The following TDRD1 variants were observed in gnomAD, a reference collection of about 807,000 sequenced individuals.
TDRD1 encodes tudor domain-containing protein 1.
A neutral mutation model predicts 140.6 loss-of-function variants in TDRD1; 37 were observed. That is an observed-to-expected ratio of 0.26 (90% CI 0.20 to 0.35). TDRD1 has a LOEUF of 0.35. TDRD1 is among the 10% of genes least tolerant of loss of function. The probability of loss-of-function intolerance (pLI) is 1.00; values close to 1 mark genes in which losing one functional copy is unlikely to be tolerated. For missense variants in TDRD1, 1,243 were observed against 1,393.0 expected (o/e 0.89, Z 1.71); for synonymous variants, 506 against 475.7 (o/e 1.06, Z -0.83).
At chr10:114,180,613 G>A (rs930252281) in intron 1 of TDRD1, among the ~76,000 whole-genome samples, 1 of 152,198 alleles carries the variant, frequency 6.6e-6, no homozygotes, top group Admixed American at 6.5e-5. Context: ...TTACAGGCCA[G>A]CCACCGGCGC....
intron 3 of TDRD1, among the ~76,000 whole-genome samples, chr10:114,193,773 C>T (rs895053804): frequency 1.3e-5 from 2 of 152,170 alleles, no homozygotes; most frequent in African/African-American, 2.4e-5. Context: ...ACAGTGGACA[C>T]CTTGCCTTGT....
At chr10:114,189,128 T>G (rs959405081) in intron 2 of TDRD1, among the ~76,000 whole-genome samples, 1 of 152,090 alleles carries the variant, frequency 6.6e-6, no homozygotes, top group Non-Finnish European at 1.5e-5. Context: ...CCAACCTGAG[T>G]TTTTCATCGT....
At chr10:114,230,306 T>G (rs1487917274) in intron 25 of TDRD1, among the ~76,000 whole-genome samples, 2 of 152,244 alleles carry the variant, frequency 1.3e-5, no homozygotes, top group Non-Finnish European at 2.9e-5. Context: ...AAAACTTGAT[T>G]TAAAGCATAG....
intron 10 of TDRD1, among the ~76,000 whole-genome samples, chr10:114,205,468 G>C (rs1048231080): frequency 6.6e-6 from 1 of 152,124 alleles, no homozygotes; most frequent in Non-Finnish European, 1.5e-5. Context: ...AAAATCTGTT[G>C]TTTGCTATGT....
intron 3 of TDRD1, among the ~76,000 whole-genome samples, chr10:114,192,271 C>CA (rs1159946494): frequency 7.4e-6 from 1 of 135,730 alleles, no homozygotes; most frequent in African/African-American, 2.8e-5. Context: ...TTTTTTTCCC[C>CA]AAAAAAGTTT....
chr10:114,220,675 G>C (rs769795508), exon 19 of TDRD1: 1 of 1,612,304 alleles, frequency 6.2e-7, no homozygotes, highest in Non-Finnish European at 8.5e-7. Context: ...CACTGAAAAT[G>C]GGATAGGAGT....
chr10:114,204,780 G>T, exon 10 of TDRD1: 1 of 1,604,964 alleles, frequency 6.2e-7, no homozygotes, highest in Non-Finnish European at 8.5e-7. Context: ...AGCAGTGATT[G>T]TATCAAAGCT....
At chr10:114,174,935 A>C (rs2032657646), upstream of TDRD1, among the ~76,000 whole-genome samples, 1 of 152,240 alleles carries the variant, frequency 6.6e-6, no homozygotes, top group African/African-American at 2.4e-5. Flanking sequence ...AAACCTCCTC[A>C]GTCCGGGGAA....
intron 1 of TDRD1, among the ~76,000 whole-genome samples, chr10:114,181,992 A>G (rs2033108841): frequency 6.6e-6 from 1 of 152,206 alleles, no homozygotes; most frequent in African/African-American, 2.4e-5. Context: ...ACATATTTAA[A>G]AATAAATTCC....
chr10:114,216,613 A>G (rs2035830944), intron 16 of TDRD1, among the ~76,000 whole-genome samples: 1 of 152,226 alleles, frequency 6.6e-6, no homozygotes, highest in Non-Finnish European at 1.5e-5. Flanking sequence ...AAATCCTTGT[A>G]CTGTGATTTT....
intron 15 of TDRD1, 46 bp from the exon 16 acceptor site, chr10:114,213,931 C>T: frequency 1.2e-6 from 2 of 1,605,294 alleles, no homozygotes; most frequent in Non-Finnish European, 1.7e-6. Flanking sequence ...AACCTCGCTA[C>T]ATCCCTCCTC....
chr10:114,214,055 T>C, exon 16 of TDRD1: 1 of 1,612,080 alleles, frequency 6.2e-7, no homozygotes. Flanking sequence ...ACAGTAGATG[T>C]TGTGGTCTGT....
intron 3 of TDRD1, among the ~76,000 whole-genome samples, chr10:114,193,964 C>T (rs1377605740): frequency 6.6e-6 from 1 of 152,144 alleles, no homozygotes; most frequent in African/African-American, 2.4e-5. Context: ...ATGGTAGTGA[C>T]TTCTTTTCCT....
chr10:114,207,774 G>T (rs899853614), intron 11 of TDRD1, among the ~76,000 whole-genome samples: 2 of 151,998 alleles, frequency 1.3e-5, no homozygotes, highest in Admixed American at 6.6e-5. Flanking sequence ...CCAGGAGGGG[G>T]AGTCATCAGT....
intron 9 of TDRD1, 146 bp downstream of exon 9, chr10:114,204,362 C>A: frequency 1.1e-6 from 1 of 900,996 alleles, no homozygotes; most frequent in Non-Finnish European, 1.6e-6. Context: ...CTATCTTGAC[C>A]TTATTTAGTT....
chr10:114,219,241 G>A (rs536322253), intron 18 of TDRD1, among the ~76,000 whole-genome samples: 1 of 152,296 alleles, frequency 6.6e-6, no homozygotes, highest in East Asian at 1.9e-4. Flanking sequence ...GCTGCTTGCT[G>A]TCTATGAGAC....
At chr10:114,199,724 C>T (rs2034601714) in intron 4 of TDRD1, among the ~76,000 whole-genome samples, 1 of 152,222 alleles carries the variant, frequency 6.6e-6, no homozygotes, top group Non-Finnish European at 1.5e-5. Context: ...AGCGTGGACT[C>T]TTTTGTATCA....
intron 16 of TDRD1, among the ~76,000 whole-genome samples, chr10:114,215,306 A>T (rs10160173): frequency 6.6e-6 from 1 of 151,988 alleles, no homozygotes; most frequent in Non-Finnish European, 1.5e-5. Context: ...TCTTTCTACC[A>T]TTGGACACTT....
chr10:114,212,274 A>G (rs553122746), intron 14 of TDRD1, among the ~76,000 whole-genome samples: 1 of 152,208 alleles, frequency 6.6e-6, no homozygotes, highest in African/African-American at 2.4e-5. Flanking sequence ...AGGGCATTAC[A>G]TTTGCAGCAT....
Sources: gnomAD v4.1 joint callset for allele counts (sites outside exome capture counted in the v4.1 genomes callset) on GRCh38, gnomAD v4.1.1 for gene constraint, MANE v1.5 for transcripts, NCBI Gene and HGNC (gene_info 2026-07-23, HGNC 2026-07-21) for gene names.